UQCRC2: variants seen among roughly 807,000 people sequenced by gnomAD.
UQCRC2 encodes cytochrome b-c1 complex subunit 2, mitochondrial.
In UQCRC2, 49 loss-of-function variants were observed where a neutral mutation model predicts 55.6. The ratio of observed to expected loss-of-function variants is 0.88; its 90% CI spans 0.70 to 1.12. The LOEUF (loss-of-function observed/expected upper bound fraction) is 1.12. Ranked by LOEUF, UQCRC2 falls within the 50% of genes most tolerant of loss-of-function variation. The probability of loss-of-function intolerance (pLI) is 0.00; values close to 1 mark genes in which losing one functional copy is unlikely to be tolerated. For missense variants in UQCRC2, 506 were observed against 547.8 expected (o/e 0.92, Z 0.76); for synonymous variants, 193 against 192.0 (o/e 1.01, Z -0.04).
At chr16:21,976,066 T>G in intron 11 of UQCRC2, 101 bp from the exon 12 acceptor site, 1 of 739,560 alleles carries the variant, frequency 1.4e-6, no homozygotes, top group Non-Finnish European at 2.4e-6. Context: ...TGTCTGGAAC[T>G]AACCTTCCAT....
chr16:21,971,244 CAA>C (rs1321742187), intron 8 of UQCRC2, among the ~76,000 whole-genome samples: 28 of 151,988 alleles, frequency 1.8e-4, no homozygotes, highest in Non-Finnish European at 2.5e-4. Flanking sequence ...AAGTTAGAAA[CAA>C]TATCAATAGA....
intron 12 of UQCRC2, chr16:21,980,177 C>A: frequency 4.7e-6 from 1 of 210,930 alleles, no homozygotes; most frequent in Non-Finnish European, 9.9e-6. Flanking sequence ...GAGCATGCTG[C>A]GACTGGCCAG....
intron 6 of UQCRC2, among the ~76,000 whole-genome samples, chr16:21,963,390 T>C (rs1033076059): frequency 2.0e-5 from 3 of 152,228 alleles, no homozygotes; most frequent in African/African-American, 7.2e-5. Context: ...ATAATCATTT[T>C]TCATGTTTGA....
At chr16:21,977,603 T>A (rs564447504) in intron 12 of UQCRC2, among the ~76,000 whole-genome samples, 1 of 152,352 alleles carries the variant, frequency 6.6e-6, no homozygotes, top group East Asian at 1.9e-4. Flanking sequence ...TCATTAGTAG[T>A]TCGAGGGTTT....
At chr16:21,968,519 C>T in intron 7 of UQCRC2, 109 bp from the exon 8 acceptor site, 1 of 922,272 alleles carries the variant, frequency 1.1e-6, no homozygotes, top group African/African-American at 1.7e-5. Context: ...ATTACAGCAA[C>T]TTATAAGGCC....
rs779591300 is a variant in UQCRC2, at chr16:21,971,572, A to G, written c.718A>G (p.Met240Val). The change falls in exon 9 of 14, where the codon ATG becomes GTG. Residue 240 changes from methionine (M) to valine (V), a missense_variant. Physicochemically the swap from Met to Val is conservative, Grantham distance 21. Transcript: ENST00000268379. Reference protein sequence around the residue: ...LKQVAEQFLNMRGGLGLSGAK... With the variant: ...LKQVAEQFLNVRGGLGLSGAK... The stretch of plus-strand genomic sequence containing the variant: ...GCAAGTTGCTGAACAGTTTCTCAAC[A>G]TGAGGGGTGGGCTTGGTTTATCTGG... 2 of 1,614,028 alleles carry G rather than the reference A, an allele frequency of 1.2e-6. No homozygotes were observed. Among genetic ancestry groups the G allele is most frequent in the African/African-American group, 2.7e-5 (2 of 74,928 alleles).
At chr16:21,976,464 G>A (rs181780779) in intron 12 of UQCRC2, 62 of 427,244 alleles carry the variant, frequency 1.5e-4, no homozygotes, top group African/African-American at 1.1e-3. Context: ...GGCCAAGGCA[G>A]GTGGTTCATT....
At chr16:21,961,659 T>C (rs1171888210) in intron 4 of UQCRC2, among the ~76,000 whole-genome samples, 1 of 106,574 alleles carries the variant, frequency 9.4e-6, no homozygotes, top group South Asian at 3.5e-4. Flanking sequence ...TATATATATA[T>C]ATATATATAT....
intron 13 of UQCRC2, among the ~76,000 whole-genome samples, chr16:21,981,066 A>G (rs534204677): frequency 6.6e-6 from 1 of 152,352 alleles, no homozygotes; most frequent in African/African-American, 2.4e-5. Context: ...GAAGTAAAGA[A>G]GAGTCAAATA....
intron 4 of UQCRC2, among the ~76,000 whole-genome samples, chr16:21,959,032 T>TA (rs1898141301): frequency 6.6e-6 from 1 of 152,240 alleles, no homozygotes; most frequent in African/African-American, 2.4e-5. Flanking sequence ...TGTTAACAGT[T>TA]ATCTGAATCT....
chr16:21,975,117 T>C (rs1898551613), intron 11 of UQCRC2, among the ~76,000 whole-genome samples: 1 of 152,118 alleles, frequency 6.6e-6, no homozygotes, highest in Admixed American at 6.5e-5. Flanking sequence ...AGGAGGTAGG[T>C]ATTAGGGTTA....
chr16:21,979,213 C>T (rs919555644), intron 12 of UQCRC2, among the ~76,000 whole-genome samples: 1 of 152,168 alleles, frequency 6.6e-6, no homozygotes, highest in African/African-American at 2.4e-5. Context: ...ACAGAAGGCT[C>T]TTCAAGATCC....
At chr16:21,966,101 G>A (rs945279480) in intron 7 of UQCRC2, among the ~76,000 whole-genome samples, 1 of 150,950 alleles carries the variant, frequency 6.6e-6, no homozygotes, top group African/African-American at 2.4e-5. Flanking sequence ...ATCACTTGAG[G>A]CCAGGAGTTC....
At chr16:21,979,142 G>C (rs1898654945) in intron 12 of UQCRC2, among the ~76,000 whole-genome samples, 1 of 152,188 alleles carries the variant, frequency 6.6e-6, no homozygotes, top group African/African-American at 2.4e-5. Flanking sequence ...TGTGACCCCA[G>C]CTGTGGGCCA....
rs1219222894 is a variant in UQCRC2 at position 21,983,178 on chromosome 16, T to C, written c.*7T>C. On this transcript the variant is annotated 3_prime_UTR_variant, in exon 14 of 14. Transcript: ENST00000268379. ...TTTTGTTGATGAGTTGTAATACTGA[T>C]GCACACATTACAGGAGAGAGCTGAA... is the stretch of plus-strand genomic sequence containing the variant. The C allele has an allele frequency of 3.7e-6, 6 of 1,612,672 alleles. No individual in the cohort carries two copies. Among genetic ancestry groups the C allele is most frequent in the Admixed American group, 3.3e-5 (2 of 59,988 alleles).
rs936640612 is a variant in UQCRC2, at chr16:21,983,387, GTATT to G, written c.*221_*224del. ...TTTTTCTCAATGAGTTAATCAACAA[GTATT>G]TATTATGTGCTGATATCTTTGTTTT... On this transcript the variant is annotated 3_prime_UTR_variant, in exon 14 of 14. Transcript: ENST00000268379. 8 of 520,816 alleles carry G rather than the reference GTATT, an allele frequency of 1.5e-5. No individual in the cohort carries two copies. The highest frequency in any genetic ancestry group is 5.9e-5 in the African/African-American group (3 of 50,826). 32.3% of individuals were successfully genotyped at this position (520,816 alleles called of 1,614,324 possible).
chr16:21,974,111 C>T lies in UQCRC2; in HGVS notation c.1047+135C>T, dbSNP rs1898527144. On this transcript the variant is annotated intron_variant, in intron 11 of 13. Transcript: ENST00000268379. ...ATCAGAGCTCTGTATAGTATGATGT[C>T]ATTGAAGCATTATCTGCTATAGGGA... 8.4e-6 allele frequency: 6 copies of T among 715,230 alleles called. No homozygotes were observed. In the East Asian group the frequency reaches 1.7e-4, roughly 20 times the overall value. The allele number at this position is 715,230 out of a possible 1,614,324, so 44.3% of individuals were successfully genotyped here. A position where few individuals can be genotyped will look rare whatever the true frequency, so the allele number is the denominator to read the frequency against.
intron 12 of UQCRC2, 113 bp from the exon 13 acceptor site, chr16:21,980,433 CT>C (rs1311283712): frequency 2.7e-6 from 3 of 1,104,868 alleles, no homozygotes; most frequent in Non-Finnish European, 3.9e-6. Context: ...GGGAGACACG[CT>C]GTTACTCTAT....
chr16:21,981,839 CTCT>C (rs1448040403), intron 13 of UQCRC2, among the ~76,000 whole-genome samples: 1 of 151,298 alleles, frequency 6.6e-6, no homozygotes, highest in African/African-American at 2.4e-5. Flanking sequence ...TCATTTCATA[CTCT>C]TCTTTTTTTT....
Sources: gnomAD v4.1 joint callset for allele counts (sites outside exome capture counted in the v4.1 genomes callset) on GRCh38, gnomAD v4.1.1 for gene constraint, MANE v1.5 for transcripts, NCBI Gene and HGNC (gene_info 2026-07-23, HGNC 2026-07-21) for gene names.